The following UGP2 variants were observed in gnomAD, a reference collection of about 807,000 sequenced individuals.
UGP2 encodes the protein UDP-glucose pyrophosphorylase 2, also known as UTP--glucose-1-phosphate uridylyltransferase.
A neutral mutation model predicts 49.0 loss-of-function variants in UGP2; 40 were observed. That is an observed-to-expected ratio of 0.82 (90% confidence interval 0.63 to 1.06). The LOEUF is 1.06. Among genes scored for constraint, UGP2 ranks in the 50% least tolerant of loss-of-function variants. The probability of loss-of-function intolerance (pLI) is 0.00; values close to 1 mark genes in which losing one functional copy is unlikely to be tolerated. For synonymous variants in UGP2, 225 were observed against 213.0 expected, an observed-to-expected ratio of 1.06 and a Z score of -0.49; for missense variants, 460 against 603.5, an observed-to-expected ratio of 0.76 and a Z score of 2.49.
chr2:63,889,677 T>C (rs947077211), intron 8 of UGP2: 4 of 156,464 alleles, frequency 2.6e-5, no homozygotes, highest in African/African-American at 7.2e-5. Context: ...CTTCCTAAAA[T>C]GTGCTCTAAT....
intron 3 of UGP2, among the ~76,000 whole-genome samples, chr2:63,873,190 A>G (rs1670676660): frequency 6.6e-6 from 1 of 152,236 alleles, no homozygotes; most frequent in African/African-American, 2.4e-5. Flanking sequence ...TTTTGAGCAC[A>G]TTAGGGTTTT....
intron 6 of UGP2, 105 bp downstream of exon 6, chr2:63,885,991 T>G (rs1344670497): frequency 8.1e-7 from 1 of 1,242,228 alleles, no homozygotes. Context: ...AACAACACAT[T>G]TAATATGTTC....
In UGP2 at chr2:63,857,250, G is replaced by A. The variant is rs958325910; in HGVS notation, c.148-579G>A. On this transcript the variant is annotated intron_variant, in intron 2 of 9. Coordinates refer to ENST00000337130, the MANE Select transcript of UGP2 (RefSeq NM_006759.4). Reference sequence around the variant, plus strand: ...TGGGAGGTGAAGTTTGTAGTGAGCCGAGATTGCGCCACTACACTCTAGCCT... The same window carrying A: ...TGGGAGGTGAAGTTTGTAGTGAGCCAAGATTGCGCCACTACACTCTAGCCT... Among the ~76,000 whole-genome samples the A allele has an allele frequency of 9.3e-5, 14 of 150,794 alleles. 1 individual carries two copies. Among genetic ancestry groups the A allele is most frequent in the Admixed American group, 7.9e-4 (12 of 15,146 alleles).
Position 63,891,376 on chromosome 2 carries a change from G to A in UGP2, c.*149G>A. ...TAGAGTTTTCTGCAGTATGCTTTTA[G>A]TCTAAGAAAAGCACAGATGGAGCAA... is the stretch of plus-strand genomic sequence containing the variant. On this transcript the variant is annotated 3_prime_UTR_variant, in exon 10 of 10. Transcript: ENST00000337130. 1 of 540,848 alleles carries A rather than the reference G, an allele frequency of 1.8e-6. No homozygotes were observed. The highest frequency in any genetic ancestry group is 3.1e-6 in the Non-Finnish European group (1 of 326,946). The allele number at this position is 540,848 out of a possible 1,614,324, so 33.5% of individuals were successfully genotyped here.
chr2:63,881,154 G>T (rs909827063), intron 3 of UGP2, among the ~76,000 whole-genome samples: 10 of 152,088 alleles, frequency 6.6e-5, no homozygotes, highest in Non-Finnish European at 1.5e-4. Flanking sequence ...TATATTGCAG[G>T]GTAGAAGAAA....
chr2:63,852,440 C>T (rs1669106385), intron 1 of UGP2, among the ~76,000 whole-genome samples: 1 of 152,204 alleles, frequency 6.6e-6, no homozygotes, highest in Non-Finnish European at 1.5e-5. Context: ...AAATTGCAGC[C>T]TTTAGGCAGT....
chr2:63,860,796 G>A (rs918144221), intron 3 of UGP2, among the ~76,000 whole-genome samples: 13 of 147,014 alleles, frequency 8.8e-5, no homozygotes, highest in African/African-American at 3.0e-4. Flanking sequence ...TAGAGACAGG[G>A]TCTCCCTATG....
intron 3 of UGP2, among the ~76,000 whole-genome samples, chr2:63,882,009 C>G (rs1304500668): frequency 6.6e-6 from 1 of 152,164 alleles, no homozygotes; most frequent in African/African-American, 2.4e-5. Context: ...TATTTGCCTC[C>G]TGTGGTAGAA....
At chr2:63,890,422 C>CTATT (rs1672030896) in intron 9 of UGP2, among the ~76,000 whole-genome samples, 1 of 152,046 alleles carries the variant, frequency 6.6e-6, no homozygotes, top group African/African-American at 2.4e-5. Context: ...TGAATATAAC[C>CTATT]TATTAAAGGA....
At chr2:63,870,129 A>G (rs1490553041) in intron 3 of UGP2, among the ~76,000 whole-genome samples, 2 of 151,926 alleles carry the variant, frequency 1.3e-5, no homozygotes, top group Admixed American at 1.3e-4. Flanking sequence ...TCACCATGTT[A>G]GCCAGGATGA....
intron 1 of UGP2, among the ~76,000 whole-genome samples, chr2:63,848,056 A>G (rs982929140): frequency 7.2e-5 from 11 of 152,196 alleles, no homozygotes; most frequent in South Asian, 2.1e-4. Context: ...CCTGATATCC[A>G]GCATTTATAC....
chr2:63,887,251 C>G, intron 7 of UGP2, 151 bp from the exon 8 acceptor site: 1 of 1,049,668 alleles, frequency 9.5e-7, no homozygotes, highest in Non-Finnish European at 1.4e-6. Context: ...GGTGACAGAT[C>G]AAGACTCCTT....
At chr2:63,854,144 T>G (rs965251315) in intron 1 of UGP2, among the ~76,000 whole-genome samples, 1 of 152,204 alleles carries the variant, frequency 6.6e-6, no homozygotes. Context: ...GGCTCCACCA[T>G]TGGCCTGCTC....
intron 8 of UGP2, 78 bp downstream of exon 8, chr2:63,887,722 A>T: frequency 6.4e-7 from 1 of 1,554,816 alleles, no homozygotes; most frequent in East Asian, 2.3e-5. Flanking sequence ...TGTGAATTGG[A>T]GACTAATTAC....
chr2:63,845,621 G>A (rs1342922012), intron 1 of UGP2, among the ~76,000 whole-genome samples: 1 of 151,992 alleles, frequency 6.6e-6, no homozygotes, highest in African/African-American at 2.4e-5. Context: ...ACAAGTTGGT[G>A]ACGGTTTTCT....
At chr2:63,843,228 T>C (rs1671698577) in intron 1 of UGP2, among the ~76,000 whole-genome samples, 1 of 152,184 alleles carries the variant, frequency 6.6e-6, no homozygotes, top group Admixed American at 6.5e-5. Flanking sequence ...TAGATTAAAG[T>C]AAGAGAATTC....
chr2:63,853,478 C>T (rs1464526160), intron 1 of UGP2, among the ~76,000 whole-genome samples: 1 of 152,134 alleles, frequency 6.6e-6, no homozygotes, highest in East Asian at 1.9e-4. Context: ...TAAGTGCGCT[C>T]TCCAATTCTC....
chr2:63,870,559 T>A (rs1670481409), intron 3 of UGP2, among the ~76,000 whole-genome samples: 2 of 152,252 alleles, frequency 1.3e-5, no homozygotes, highest in Non-Finnish European at 2.9e-5. Flanking sequence ...AGTGGGTGGT[T>A]GTAATCTGGT....
Position 63,891,183 on chromosome 2 carries a change from G to C in UGP2, c.1483G>C (p.Glu495Gln). Residue 495 changes from glutamate (E) to glutamine (Q), a missense_variant, in exon 10 of 10, where the codon GAG becomes CAG. Physicochemically the swap from Glu to Gln is conservative, Grantham distance 29. Around this residue, in one of 2 missense-constraint regions of UGP2, gnomAD observed 317 missense variants for 473.0 expected, o/e 0.67. Transcript: ENST00000337130. The stretch of plus-strand genomic sequence containing the variant: ...TGATATCCCACCTGGAGCAGTATTA[G>C]AGAACAAGATTGTGTCTGGAAACCT... Reference protein sequence around the residue: ...RIDIPPGAVLENKIVSGNLRI... With the variant: ...RIDIPPGAVLQNKIVSGNLRI... 6.2e-7 allele frequency: 1 copy of C among 1,613,824 alleles called. No homozygotes were observed. The highest frequency in any genetic ancestry group is 1.1e-5 in the South Asian group (1 of 91,062).
Sources: allele counts gnomAD v4.1 joint callset (sites outside exome capture counted in the v4.1 genomes callset), GRCh38; gene constraint gnomAD v4.1.1; regional missense constraint gnomAD v4.1.1; transcripts MANE v1.5; gene names NCBI Gene and HGNC (gene_info 2026-07-23, HGNC 2026-07-21).